CERS4: variants seen among roughly 807,000 people sequenced by gnomAD.
CERS4 encodes LAG1 homolog, ceramide synthase 4.
In CERS4, 65 loss-of-function variants were observed where a neutral mutation model predicts 51.8. That is an observed-to-expected ratio of 1.26 (90% CI 1.03 to 1.54). The LOEUF (loss-of-function observed/expected upper bound fraction) is 1.54. Ranked by LOEUF, CERS4 falls within the 40% of genes most tolerant of loss-of-function variation. CERS4 has a pLI of 0.00. For synonymous variants in CERS4, 228 were observed against 208.4 expected (o/e 1.09, Z -0.81); for missense variants, 563 against 500.4 (o/e 1.13, Z -1.19).
intron 9 of CERS4, 47 bp downstream of exon 9, chr19:8,257,124 C>T: frequency 6.5e-7 from 1 of 1,534,622 alleles, no homozygotes; most frequent in African/African-American, 1.4e-5. Context: ...GTACCCAGCC[C>T]TCCCAGGTGC....
chr19:8,257,176 T>C (rs59141216), intron 9 of CERS4, 99 bp downstream of exon 9: 60,837 of 1,290,186 alleles, frequency 0.047, 5,166 homozygotes, highest in African/African-American at 0.32. Flanking sequence ...TCCTGGGAGA[T>C]GGAGCCCCAC....
intron 10 of CERS4, among the ~76,000 whole-genome samples, chr19:8,259,681 C>G (rs930024415): frequency 6.6e-6 from 1 of 152,050 alleles, no homozygotes; most frequent in African/African-American, 2.4e-5. Context: ...GCAGCAGGAG[C>G]TCAGCCCTGC....
At chr19:8,226,585 A>G (rs1967797482) in intron 2 of CERS4, among the ~76,000 whole-genome samples, 1 of 152,208 alleles carries the variant, frequency 6.6e-6, no homozygotes, top group Non-Finnish European at 1.5e-5. Flanking sequence ...GGGCAGGGAC[A>G]TCACCAAAGG....
At chr19:8,214,579 T>G (rs1204383133) in intron 2 of CERS4, 1 of 152,370 alleles carries the variant, frequency 6.6e-6, no homozygotes, top group Non-Finnish European at 1.5e-5. Flanking sequence ...CTGAAGGTCC[T>G]TGGGAACCCC....
chr19:8,251,952 C>T (rs943445364), intron 3 of CERS4, among the ~76,000 whole-genome samples: 3 of 151,426 alleles, frequency 2.0e-5, no homozygotes, highest in Non-Finnish European at 2.9e-5. Flanking sequence ...CTAGGCCAGA[C>T]GTGGTAGCTG....
At position 8,262,202 on chromosome 19, in the gene CERS4, G is replaced by T; in HGVS notation, c.*93G>T. ...CTGGCGCCCCTGGGCCACCTTTCTGGAGACAGGGAGGGCCCCACCCGGGGT... is the reference window on the plus strand; with the variant it reads ...CTGGCGCCCCTGGGCCACCTTTCTGTAGACAGGGAGGGCCCCACCCGGGGT... On this transcript the variant is annotated 3_prime_UTR_variant, in exon 12 of 12. Coordinates refer to ENST00000251363, the MANE Select transcript of CERS4 (RefSeq NM_024552.3). 7.5e-7 allele frequency: 1 copy of T among 1,329,492 alleles called. No homozygotes were observed. Among genetic ancestry groups the T allele is most frequent in the Non-Finnish European group, 9.7e-7 (1 of 1,030,286 alleles). 82.4% of individuals were successfully genotyped at this position (1,329,492 alleles called of 1,614,324 possible).
intron 2 of CERS4, among the ~76,000 whole-genome samples, chr19:8,246,278 C>T (rs755448669): frequency 1.8e-4 from 27 of 152,168 alleles, no homozygotes; most frequent in Non-Finnish European, 3.2e-4. Context: ...TGTGTGCGGG[C>T]CAGGCGCAGT....
chr19:8,261,597 G>T, intron 10 of CERS4, 91 bp from the exon 11 acceptor site: 1 of 1,465,114 alleles, frequency 6.8e-7, no homozygotes, highest in Non-Finnish European at 9.4e-7. Context: ...TGGTTATGGA[G>T]CAGGGAAGGC....
In CERS4 at chr19:8,261,929, G is replaced by T. The variant is rs1177570249; in HGVS notation, c.1006-1G>T. ...GCTCCATCCCTCTCTCTGTTCCCCAGATGGAGAAGGACATTCGTAGTGATG... is the reference window on the plus strand; with the variant it reads ...GCTCCATCCCTCTCTCTGTTCCCCATATGGAGAAGGACATTCGTAGTGATG... On this transcript the variant is annotated splice_acceptor_variant, in intron 11 of 11. Coordinates refer to ENST00000251363, the MANE Select transcript of CERS4 (RefSeq NM_024552.3). LOFTEE classifies it high-confidence loss of function. 1 of 1,608,726 alleles carries T rather than the reference G, an allele frequency of 6.2e-7. No homozygotes were observed. Among genetic ancestry groups the T allele is most frequent in the Admixed American group, 1.7e-5 (1 of 58,912 alleles).
chr19:8,249,007 AGATGTTTG>A (rs1329477875), intron 2 of CERS4, among the ~76,000 whole-genome samples: 1 of 137,532 alleles, frequency 7.3e-6, no homozygotes, highest in African/African-American at 2.8e-5. Context: ...GTGGATGGAC[AGATGTTTG>A]GATGGGTGGA....
chr19:8,261,365 A>C, intron 10 of CERS4: 1 of 304,612 alleles, frequency 3.3e-6, no homozygotes, highest in Non-Finnish European at 6.2e-6. Context: ...GATGAAGGGG[A>C]GGTGATGGGG....
At chr19:8,233,897 G>A (rs1968124184) in intron 2 of CERS4, among the ~76,000 whole-genome samples, 2 of 152,058 alleles carry the variant, frequency 1.3e-5, no homozygotes, top group South Asian at 4.1e-4. Context: ...GCACACGCCT[G>A]TAGTCCCAGC....
chr19:8,245,966 T>G (rs1331731326), intron 2 of CERS4, among the ~76,000 whole-genome samples: 2 of 129,560 alleles, frequency 1.5e-5, no homozygotes, highest in East Asian at 5.3e-4. Flanking sequence ...ATGCCTATAA[T>G]CCCAGCAATT....
chr19:8,231,342 A>AT (rs543041901), intron 2 of CERS4, among the ~76,000 whole-genome samples: 101 of 152,098 alleles, frequency 6.6e-4, no homozygotes, highest in African/African-American at 2.0e-3. Flanking sequence ...AAATTTAACT[A>AT]TTTTTTTATC....
At chr19:8,231,662 C>T (rs1968007658) in intron 2 of CERS4, among the ~76,000 whole-genome samples, 1 of 151,770 alleles carries the variant, frequency 6.6e-6, no homozygotes, top group African/African-American at 2.4e-5. Context: ...CATTCTCCTG[C>T]CTCAGCCTCC....
At chr19:8,232,131 T>C (rs185435188) in intron 2 of CERS4, among the ~76,000 whole-genome samples, 24 of 151,870 alleles carry the variant, frequency 1.6e-4, no homozygotes, top group Admixed American at 5.9e-4. Context: ...CACCCGGCCC[T>C]ATCCTCTTAA....
intron 2 of CERS4, among the ~76,000 whole-genome samples, chr19:8,221,475 G>A (rs1967538575): frequency 6.6e-6 from 1 of 152,104 alleles, no homozygotes; most frequent in African/African-American, 2.4e-5. Context: ...AGAGAGGGAG[G>A]GAGAGAAAGT....
intron 4 of CERS4, among the ~76,000 whole-genome samples, chr19:8,255,325 C>A (rs1226380992): frequency 6.6e-6 from 1 of 152,142 alleles, no homozygotes; most frequent in African/African-American, 2.4e-5. Context: ...CGCAGGGAAG[C>A]CTATCCGGGG....
chr19:8,256,328 G>C (rs375683332), intron 7 of CERS4, 42 bp downstream of exon 7: 1 of 1,604,644 alleles, frequency 6.2e-7, no homozygotes, highest in South Asian at 1.1e-5. Context: ...GGGTGAGGGC[G>C]ATGATCACAG....
Sources: allele counts gnomAD v4.1 joint callset (sites outside exome capture counted in the v4.1 genomes callset), GRCh38; gene constraint gnomAD v4.1.1; transcripts MANE v1.5; gene names NCBI Gene and HGNC (gene_info 2026-07-23, HGNC 2026-07-21).